The following HTT-AS variants were observed in gnomAD, a reference collection of about 807,000 sequenced individuals.
HTT-AS encodes the protein HTT antisense RNA (head to head).
At chr4:3,064,426 T>C (rs1320004454) in intron 1 of HTT-AS, among the ~76,000 whole-genome samples, 1 of 151,936 alleles carries the variant, frequency 6.6e-6, no homozygotes, top group Non-Finnish European at 1.5e-5. Flanking sequence ...ATCAACTAAC[T>C]AACCAAATAA....
intron 2 of HTT-AS, among the ~76,000 whole-genome samples, chr4:3,052,972 G>C (rs1222112203): frequency 6.6e-6 from 1 of 151,838 alleles, no homozygotes; most frequent in East Asian, 1.9e-4. Context: ...CTCCAGCCTG[G>C]TGACAGAGCA....
chr4:3,046,307 G>T (rs1711585329), downstream of HTT-AS, among the ~76,000 whole-genome samples: 1 of 152,192 alleles, frequency 6.6e-6, no homozygotes, highest in African/African-American at 2.4e-5. Flanking sequence ...GAAACAGCTG[G>T]GTTGGTTGCA....
At chr4:3,060,796 G>A (rs1361173803) in intron 2 of HTT-AS, among the ~76,000 whole-genome samples, 1 of 152,196 alleles carries the variant, frequency 6.6e-6, no homozygotes, top group Non-Finnish European at 1.5e-5. Context: ...AGGCAACATA[G>A]TGTCCCCCGA....
At chr4:3,064,849 A>T (rs1253089989) in intron 1 of HTT-AS, among the ~76,000 whole-genome samples, 4 of 151,022 alleles carry the variant, frequency 2.6e-5, no homozygotes, top group African/African-American at 9.9e-5. Flanking sequence ...GACCTTATAC[A>T]AAACTTCATA....
chr4:3,046,233 C>T (rs1324198661), downstream of HTT-AS, among the ~76,000 whole-genome samples: 3 of 152,168 alleles, frequency 2.0e-5, no homozygotes, highest in African/African-American at 4.8e-5. Flanking sequence ...AGGGATACCT[C>T]GTGGTCAGAA....
At chr4:3,072,717 A>G (rs1376544012) in intron 1 of HTT-AS, among the ~76,000 whole-genome samples, 1 of 151,916 alleles carries the variant, frequency 6.6e-6, no homozygotes, top group Non-Finnish European at 1.5e-5. Flanking sequence ...TGCAACCTCC[A>G]CCTCCCAGGT....
downstream of HTT-AS, among the ~76,000 whole-genome samples, chr4:3,047,566 C>G (rs1172986789): frequency 6.6e-6 from 1 of 152,208 alleles, no homozygotes; most frequent in African/African-American, 2.4e-5. Flanking sequence ...GACAGGGCCA[C>G]TAGAGGGCTC....
chr4:3,066,094 G>A (rs1165985081), intron 1 of HTT-AS, among the ~76,000 whole-genome samples: 1 of 152,254 alleles, frequency 6.6e-6, no homozygotes, highest in Non-Finnish European at 1.5e-5. Flanking sequence ...GGAGCGCAGA[G>A]AGAGAGGCCA....
intron 2 of HTT-AS, among the ~76,000 whole-genome samples, chr4:3,058,631 T>G (rs1711854986): frequency 1.3e-5 from 2 of 152,146 alleles, no homozygotes. Context: ...GCCCAGCAGG[T>G]GTCAGCCTCA....
At chr4:3,066,233 G>A (rs977182153) in intron 1 of HTT-AS, among the ~76,000 whole-genome samples, 4 of 152,008 alleles carry the variant, frequency 2.6e-5, no homozygotes, top group African/African-American at 7.2e-5. Flanking sequence ...GCAATGGTGC[G>A]ATCTCAGCTC....
intron 2 of HTT-AS, among the ~76,000 whole-genome samples, chr4:3,060,775 C>T (rs369204435): frequency 6.6e-6 from 1 of 152,186 alleles, no homozygotes; most frequent in Non-Finnish European, 1.5e-5. Context: ...ACCATGTGCA[C>T]AGTAAGGAGC....
intron 2 of HTT-AS, among the ~76,000 whole-genome samples, chr4:3,057,840 G>C (rs960782711): frequency 6.6e-6 from 1 of 151,258 alleles, no homozygotes; most frequent in African/African-American, 2.4e-5. Context: ...AGCCAGGATG[G>C]TCTCAATCTC....
At chr4:3,052,303 T>A (rs1450124174) in intron 2 of HTT-AS, among the ~76,000 whole-genome samples, 2 of 152,184 alleles carry the variant, frequency 1.3e-5, no homozygotes, top group Admixed American at 1.3e-4. Flanking sequence ...CTGTTTGGCC[T>A]GATGAAAGTT....
At chr4:3,053,358 C>G (rs1350561340) in intron 2 of HTT-AS, among the ~76,000 whole-genome samples, 1 of 152,142 alleles carries the variant, frequency 6.6e-6, no homozygotes, top group Non-Finnish European at 1.5e-5. Context: ...CCAGGCGAAA[C>G]CCCGTCTCCA....
chr4:3,068,046 C>T (rs901046156), intron 1 of HTT-AS, among the ~76,000 whole-genome samples: 3 of 152,110 alleles, frequency 2.0e-5, no homozygotes, highest in African/African-American at 2.4e-5. Context: ...TGGCTCAGGC[C>T]TGTAATCCCA....
intron 1 of HTT-AS, chr4:3,070,265 G>C (rs1187691034): frequency 6.6e-6 from 1 of 152,054 alleles, no homozygotes; most frequent in Non-Finnish European, 1.5e-5. Context: ...CTATGACTTG[G>C]TGACTAGGAA....
chr4:3,054,678 G>A (rs1711773916), intron 2 of HTT-AS, among the ~76,000 whole-genome samples: 1 of 151,912 alleles, frequency 6.6e-6, no homozygotes, highest in African/African-American at 2.4e-5. Context: ...TCCAGAAATT[G>A]AACATTGAAG....
chr4:3,062,912 A>G (rs980457340), exon 2 of HTT-AS, among the ~76,000 whole-genome samples: 1 of 152,106 alleles, frequency 6.6e-6, no homozygotes, highest in Non-Finnish European at 1.5e-5. Flanking sequence ...TCTAGTAAGG[A>G]AACAAGTGGG....
intron 2 of HTT-AS, among the ~76,000 whole-genome samples, chr4:3,057,041 C>CT (rs33928111): frequency 0.44 from 66,124 of 149,062 alleles, 15,031 homozygotes; most frequent in South Asian, 0.7. Flanking sequence ...TTTTCTTTTT[C>CT]TTTTTTTTTT....
Sources: gnomAD v4.1 joint callset for allele counts (sites outside exome capture counted in the v4.1 genomes callset) on GRCh38, gnomAD v4.1.1 for gene constraint, MANE v1.5 for transcripts, NCBI Gene and HGNC (gene_info 2026-07-23, HGNC 2026-07-21) for gene names.